The following GRM8 variants were observed in gnomAD, a reference collection of about 807,000 sequenced individuals.
GRM8 encodes glutamate metabotropic receptor 8.
In GRM8, 47 loss-of-function variants were observed where a neutral mutation model predicts 87.2. That is an observed-to-expected ratio of 0.54 (90% CI 0.43 to 0.69). The LOEUF (loss-of-function observed/expected upper bound fraction) is 0.69, where lower values mean the gene tolerates loss of function less well. Among genes scored for constraint, GRM8 ranks in the 30% least tolerant of loss-of-function variants. The pLI, the probability that GRM8 is intolerant of heterozygous loss-of-function variation, is 0.00. For missense variants in GRM8, 1,019 were observed against 1,139.2 expected (o/e 0.89, Z 1.52); for synonymous variants, 396 against 404.5 (o/e 0.98, Z 0.25).
At chr7:126,801,056 G>A (rs538634390) in intron 6 of GRM8, among the ~76,000 whole-genome samples, 1 of 151,964 alleles carries the variant, frequency 6.6e-6, no homozygotes, top group South Asian at 2.1e-4. Context: ...TTATAAATAG[G>A]ATATTCAAAA....
chr7:126,671,284 G>C (rs1806358276), intron 7 of GRM8, among the ~76,000 whole-genome samples: 1 of 152,192 alleles, frequency 6.6e-6, no homozygotes, highest in Non-Finnish European at 1.5e-5. Flanking sequence ...CAAACCCATG[G>C]CTGGGCTTGG....
At chr7:127,054,708 ATAT>A (rs1819817738) in intron 3 of GRM8, among the ~76,000 whole-genome samples, 1 of 152,182 alleles carries the variant, frequency 6.6e-6, no homozygotes, top group African/African-American at 2.4e-5. Flanking sequence ...CTGTTCTCAA[ATAT>A]TATCAATGGC....
intron 2 of GRM8, among the ~76,000 whole-genome samples, chr7:127,239,495 G>A (rs1020575029): frequency 6.6e-6 from 1 of 152,114 alleles, no homozygotes; most frequent in African/African-American, 2.4e-5. Flanking sequence ...CCCTGAAAGG[G>A]CCTAAGCTTG....
chr7:127,006,149 TTGTAAC>T (rs1404281112), intron 3 of GRM8, among the ~76,000 whole-genome samples: 1 of 151,956 alleles, frequency 6.6e-6, no homozygotes, highest in African/African-American at 2.4e-5. Context: ...TCTAACTTAC[TTGTAAC>T]TGACCCATTC....
chr7:127,066,350 A>G lies in GRM8; in HGVS notation c.727+40146T>C, dbSNP rs138640876. 7.8e-3 allele frequency among the ~76,000 whole-genome samples: 1,183 copies of G among 152,314 alleles called. 4 individuals carry two copies. The highest frequency in any genetic ancestry group is 0.013 in the Non-Finnish European group (876 of 68,012). On this transcript the variant is annotated intron_variant, in intron 3 of 10. Transcript: ENST00000339582. The stretch of plus-strand genomic sequence containing the variant: ...AACTGATATCAGGCCTTGGGTTTTG[A>G]AGGTAACATTGTGACTTATGGAATA...
intron 8 of GRM8, among the ~76,000 whole-genome samples, chr7:126,554,712 TAAAC>T (rs1337879919): frequency 6.6e-6 from 1 of 152,162 alleles, no homozygotes; most frequent in Non-Finnish European, 1.5e-5. Flanking sequence ...AAAGTATAGT[TAAAC>T]AAAATTATTT....
chr7:126,570,711 C>T (rs534314474), intron 8 of GRM8, among the ~76,000 whole-genome samples: 2 of 152,240 alleles, frequency 1.3e-5, no homozygotes, highest in East Asian at 3.9e-4. Flanking sequence ...ATTACCCCTA[C>T]CCATAGGAAT....
chr7:127,243,957 C>CT (rs538634252), intron 1 of GRM8, among the ~76,000 whole-genome samples: 6 of 149,216 alleles, frequency 4.0e-5, no homozygotes, highest in South Asian at 2.1e-4. Context: ...CTGTTAATGA[C>CT]TTTTTTTTTA....
At chr7:127,094,497 T>C (rs1212994566) in intron 3 of GRM8, among the ~76,000 whole-genome samples, 1 of 152,138 alleles carries the variant, frequency 6.6e-6, no homozygotes, top group African/African-American at 2.4e-5. Flanking sequence ...GGAGATGCCA[T>C]GTAAAGAGGA....
chr7:127,057,410 T>C (rs567161635), intron 3 of GRM8, among the ~76,000 whole-genome samples: 8 of 152,186 alleles, frequency 5.3e-5, no homozygotes, highest in Admixed American at 2.0e-4. Context: ...CAACATTTGT[T>C]CCAAACAACA....
chr7:126,875,535 T>C (rs1799458705), intron 6 of GRM8, among the ~76,000 whole-genome samples: 2 of 152,190 alleles, frequency 1.3e-5, no homozygotes, highest in Admixed American at 1.3e-4. Context: ...CAAACAATTA[T>C]ATGTTCCCCA....
intron 7 of GRM8, among the ~76,000 whole-genome samples, chr7:126,611,079 A>G (rs1348312000): frequency 6.6e-6 from 1 of 152,250 alleles, no homozygotes; most frequent in Non-Finnish European, 1.5e-5. Context: ...CATTATTATT[A>G]CTATTATTAT....
chr7:126,643,127 C>T (rs778434038), intron 7 of GRM8, among the ~76,000 whole-genome samples: 2 of 149,702 alleles, frequency 1.3e-5, no homozygotes, highest in African/African-American at 2.5e-5. Context: ...CCGTCTCTAC[C>T]AAAATACAAA....
chr7:126,826,520 T>A (rs1308133105), intron 6 of GRM8, among the ~76,000 whole-genome samples: 1 of 152,234 alleles, frequency 6.6e-6, no homozygotes, highest in Non-Finnish European at 1.5e-5. Context: ...AATGTCTTCT[T>A]TTGAGAAGTG....
chr7:126,769,717 C>T, intron 7 of GRM8, 148 bp downstream of exon 7: 2 of 594,370 alleles, frequency 3.4e-6, no homozygotes, highest in Non-Finnish European at 6.0e-6. Flanking sequence ...GATTCAAAAG[C>T]AGGTGGAAAA....
chr7:127,075,757 T>G (rs911194216), intron 3 of GRM8, among the ~76,000 whole-genome samples: 1 of 152,084 alleles, frequency 6.6e-6, no homozygotes, highest in African/African-American at 2.4e-5. Flanking sequence ...GAGGAAGGCA[T>G]GTGAATAGCC....
At chr7:126,924,181 G>A (rs1392777836) in intron 3 of GRM8, among the ~76,000 whole-genome samples, 2 of 152,186 alleles carry the variant, frequency 1.3e-5, no homozygotes, top group South Asian at 2.1e-4. Flanking sequence ...TCACACTGAG[G>A]CCCATGCCTG....
chr7:126,516,327 C>G lies in GRM8; in HGVS notation c.2430+16625G>C, dbSNP rs191004612. ...ATTTCTATTTAATAAGTCTAGCAACCCTATCCTAGGAAACCCTGAACATTG... is the reference window on the plus strand; with the variant it reads ...ATTTCTATTTAATAAGTCTAGCAACGCTATCCTAGGAAACCCTGAACATTG... On this transcript the variant is annotated intron_variant, in intron 9 of 10. Coordinates refer to ENST00000339582, the MANE Select transcript of GRM8 (RefSeq NM_000845.3). Among the ~76,000 whole-genome samples, 4 of 151,796 alleles carry G rather than the reference C, an allele frequency of 2.6e-5. No individual in the cohort carries two copies. The East Asian group carries it at 7.8e-4, about 30-fold the overall frequency.
chr7:126,672,957 G>A (rs1806541825), intron 7 of GRM8, among the ~76,000 whole-genome samples: 1 of 152,100 alleles, frequency 6.6e-6, no homozygotes, highest in African/African-American at 2.4e-5. Context: ...ATAGTTCTTT[G>A]TCCCTATCCT....
Sources: gnomAD v4.1 joint callset for allele counts (sites outside exome capture counted in the v4.1 genomes callset) on GRCh38, gnomAD v4.1.1 for gene constraint, MANE v1.5 for transcripts, NCBI Gene and HGNC (gene_info 2026-07-23, HGNC 2026-07-21) for gene names.